The following PSMA7 variants were observed in gnomAD, a reference collection of about 807,000 sequenced individuals.
PSMA7 encodes the protein proteasome 20S subunit alpha 7, also known as proteasome subunit alpha type-7.
A neutral mutation model predicts 31.3 loss-of-function variants in PSMA7; 5 were observed. The observed-to-expected ratio is 0.16, with a 90% confidence interval of 0.08 to 0.34. The LOEUF (loss-of-function observed/expected upper bound fraction) is 0.34. Ranked by LOEUF, PSMA7 falls within the 10% of genes least tolerant of loss-of-function variation. The probability of loss-of-function intolerance (pLI) is 1.00; values close to 1 mark genes in which losing one functional copy is unlikely to be tolerated. For missense variants in PSMA7, 217 were observed against 327.5 expected (o/e 0.66, Z 2.60); for synonymous variants, 155 against 121.9 (o/e 1.27, Z -1.79).
intron 2 of PSMA7, 77 bp downstream of exon 2, chr20:62,140,741 C>A (rs1201169031): frequency 3.9e-6 from 6 of 1,542,796 alleles, no homozygotes; most frequent in African/African-American, 1.4e-5. Flanking sequence ...ATAGCCCACA[C>A]ACCCAAGTTA....
Position 62,137,443 on chromosome 20 carries a change from A to T in PSMA7, c.592-17T>A. 6.2e-7 allele frequency: 1 copy of T among 1,613,688 alleles called. No individual in the cohort carries two copies. Among genetic ancestry groups the T allele is most frequent in the Non-Finnish European group, 8.5e-7 (1 of 1,179,628 alleles). Reference sequence around the variant, plus strand: ...CTGAACCACCTTGAAGGGACAGAAGACAGGAGCATTAACCACCTTTCCCTA... The same window carrying T: ...CTGAACCACCTTGAAGGGACAGAAGTCAGGAGCATTAACCACCTTTCCCTA... On this transcript the variant is annotated splice_polypyrimidine_tract_variant and intron_variant, in intron 5 of 6. Coordinates refer to ENST00000370873, the MANE Select transcript of PSMA7 (RefSeq NM_002792.4).
At chr20:62,137,187 C>T (rs554731362) in intron 6 of PSMA7, among the ~76,000 whole-genome samples, 177 bp downstream of exon 6, 8 of 152,198 alleles carry the variant, frequency 5.3e-5, no homozygotes, top group Non-Finnish European at 8.8e-5. Flanking sequence ...CGTGGACCAT[C>T]TAATCAGAGG....
intron 1 of PSMA7, among the ~76,000 whole-genome samples, chr20:62,142,137 T>C (rs999199116): frequency 1.3e-5 from 2 of 152,190 alleles, no homozygotes; most frequent in Admixed American, 1.3e-4. Flanking sequence ...CTGAGAAGTA[T>C]TGATCTGAAG....
chr20:62,142,017 G>A (rs1204205087), intron 1 of PSMA7, among the ~76,000 whole-genome samples: 1 of 152,208 alleles, frequency 6.6e-6, no homozygotes, highest in Non-Finnish European at 1.5e-5. Context: ...ATTGAGCAGC[G>A]TCCCTGGCCT....
chr20:62,136,977 A>C (rs2056898127), intron 6 of PSMA7, 28 bp from the exon 7 acceptor site: 1 of 1,592,994 alleles, frequency 6.3e-7, no homozygotes, highest in African/African-American at 1.4e-5. Context: ...ATGGTTACCT[A>C]AGCCACACAA....
At chr20:62,139,738 G>A in intron 3 of PSMA7, 43 bp downstream of exon 3, 1 of 1,613,710 alleles carries the variant, frequency 6.2e-7, no homozygotes, top group Non-Finnish European at 8.5e-7. Flanking sequence ...AGCCGTGACT[G>A]CCCTGCTGCC....
chr20:62,138,756 C>T (rs2056909992), intron 4 of PSMA7, among the ~76,000 whole-genome samples: 1 of 152,026 alleles, frequency 6.6e-6, no homozygotes. Flanking sequence ...CAGGGTTCTG[C>T]CATGTTGGCC....
chr20:62,139,509 T>A (rs1236251696), intron 3 of PSMA7: 1 of 679,892 alleles, frequency 1.5e-6, no homozygotes, highest in Non-Finnish European at 2.5e-6. Context: ...TCAACTGCTT[T>A]GTGACTGGTC....
At chr20:62,141,446 C>G (rs1203167294) in intron 1 of PSMA7, among the ~76,000 whole-genome samples, 3 of 152,248 alleles carry the variant, frequency 2.0e-5, no homozygotes, top group Non-Finnish European at 4.4e-5. Flanking sequence ...ATCCTGCAAA[C>G]CCAGGGGTAT....
At position 62,139,761 on chromosome 20, in the gene PSMA7, G is replaced by C. The variant is rs768213280; in HGVS notation, c.348+20C>G. The C allele has an allele frequency of 5.0e-6, 8 of 1,613,856 alleles. No individual in the cohort carries two copies. The highest frequency in any genetic ancestry group is 6.8e-6 in the Non-Finnish European group (8 of 1,180,030). ...CTGCCCTGCTGCCAGAGGTGAGCAT[G>C]CAAGCGGGCAGGCACCCACCTGCTT... On this transcript the variant is annotated intron_variant, in intron 3 of 6. Transcript: ENST00000370873.
chr20:62,139,230 A>G (rs1186463403), intron 3 of PSMA7, 33 bp from the exon 4 acceptor site: 1 of 1,600,174 alleles, frequency 6.2e-7, no homozygotes. Context: ...AGTGCCATCC[A>G]ATTAAGAAAC....
chr20:62,137,291 G>A (rs2057168), intron 6 of PSMA7, 73 bp downstream of exon 6: 1,125,107 of 1,468,850 alleles, frequency 0.77, 442,777 homozygotes, highest in East Asian at 0.81. Flanking sequence ...GTTTCCTTCG[G>A]AACTGGTACT....
Position 62,140,835 on chromosome 20 carries a change from A to G in PSMA7, c.206T>C (p.Val69Ala). ...ACTCATACCTGCAAAGGCCATGCAG[A>G]CGTTGTCATCCAAAGCACAGATCTT... ...VRKICALDDNVCMAFAGLTAD... is the reference protein window; with the variant it reads ...VRKICALDDNACMAFAGLTAD... Residue 69 changes from valine to alanine, a missense_variant, in exon 2 of 7, where the codon GTC (valine) becomes GCC (alanine). Around this residue, in one of 3 missense-constraint regions of PSMA7, gnomAD observed 76 missense variants for 96.5 expected, o/e 0.79. Coordinates refer to ENST00000370873, the MANE Select transcript of PSMA7 (RefSeq NM_002792.4). 1 of 1,614,242 alleles carries G rather than the reference A, an allele frequency of 6.2e-7. No individual in the cohort carries two copies. The highest frequency in any genetic ancestry group is 8.5e-7 in the Non-Finnish European group (1 of 1,180,038).
intron 1 of PSMA7, among the ~76,000 whole-genome samples, chr20:62,141,673 GTAGTTGTGAAATTATAT>G (rs2056928017): frequency 6.6e-6 from 1 of 152,244 alleles, no homozygotes; most frequent in Non-Finnish European, 1.5e-5. Flanking sequence ...CAGTGTTTCT[GTAGTTGTGAAATTATAT>G]TGAGCCACAA....
rs2145666090 is a variant in PSMA7 at position 62,140,924 on chromosome 20, G to A, written c.117C>T (p.Asp39=). 1.9e-6 allele frequency: 3 copies of A among 1,614,156 alleles called. No individual in the cohort carries two copies. The highest frequency in any genetic ancestry group is 4.5e-5 in the East Asian group (2 of 44,882). ...GSTAVGVRGR[D]IVVLGVEKKS... The stretch of plus-strand genomic sequence containing the variant: ...TCTTCTCCACACCAAGAACAACAAT[G>A]TCTCTTCCTCGAACACCAACCTTTA... The change falls in exon 2 of 7, where the codon GAC becomes GAT. Residue 39 remains aspartate, a synonymous_variant. Transcript: ENST00000370873.
At chr20:62,139,440 GAC>G (rs1202656991) in intron 3 of PSMA7, 18 of 647,074 alleles carry the variant, frequency 2.8e-5, no homozygotes, top group Non-Finnish European at 3.9e-5. Context: ...TTGACAGGTA[GAC>G]ACACATTCTG....
rs1240289374 is a variant in PSMA7 at position 62,140,946 on chromosome 20, TTTAA to T, written c.97-6_97-3del. On this transcript the variant is annotated splice_region_variant and splice_polypyrimidine_tract_variant and intron_variant, in intron 1 of 6. Coordinates refer to ENST00000370873, the MANE Select transcript of PSMA7 (RefSeq NM_002792.4). Reference sequence around the variant, plus strand: ...AATGTCTCTTCCTCGAACACCAACCTTTAATTAAGATCCACAAACCACGTAAGAA... The same window carrying T: ...AATGTCTCTTCCTCGAACACCAACCTTTAAGATCCACAAACCACGTAAGAA... 6.8e-6 allele frequency: 11 copies of T among 1,613,922 alleles called. No homozygotes were observed. Among genetic ancestry groups the T allele is most frequent in the South Asian group, 3.3e-5 (3 of 91,084 alleles).
At position 62,143,328 on chromosome 20, in the gene PSMA7, T is replaced by C. The variant is rs750013780; in HGVS notation, c.-25A>G. On this transcript the variant is annotated 5_prime_UTR_variant, in exon 1 of 7. Coordinates refer to ENST00000370873, the MANE Select transcript of PSMA7 (RefSeq NM_002792.4). The stretch of plus-strand genomic sequence containing the variant: ...TGCCGGCGGGCGGCGGCCGGGCTCC[T>C]TCCGCCGCGACTCTCAAAAGCGCAC... 5.2e-6 allele frequency: 7 copies of C among 1,351,558 alleles called. No homozygotes were observed. The highest frequency in any genetic ancestry group is 4.1e-5 in the South Asian group (3 of 72,302). The allele number at this position is 1,351,558 out of a possible 1,614,324, so 83.7% of individuals were successfully genotyped here.
chr20:62,141,764 T>C (rs1269319584), intron 1 of PSMA7, among the ~76,000 whole-genome samples: 1 of 152,236 alleles, frequency 6.6e-6, no homozygotes, highest in Non-Finnish European at 1.5e-5. Flanking sequence ...TGATTTGCCG[T>C]CAGTGGACAA....
Sources: allele counts gnomAD v4.1 joint callset (sites outside exome capture counted in the v4.1 genomes callset), GRCh38; gene constraint gnomAD v4.1.1; regional missense constraint gnomAD v4.1.1; transcripts MANE v1.5; gene names NCBI Gene and HGNC (gene_info 2026-07-23, HGNC 2026-07-21).